RECK: variants seen among roughly 807,000 people sequenced by gnomAD.
The protein encoded by RECK is reversion-inducing cysteine-rich protein with Kazal motifs.
In RECK, 69 loss-of-function variants were observed where a neutral mutation model predicts 115.1. The ratio of observed to expected loss-of-function variants is 0.60; its 90% confidence interval spans 0.49 to 0.73. The LOEUF (loss-of-function observed/expected upper bound fraction) is 0.73. Among genes scored for constraint, RECK ranks in the 30% least tolerant of loss-of-function variants. The pLI, the probability that RECK is intolerant of heterozygous loss-of-function variation, is 0.00. For missense variants in RECK, 1,047 were observed against 1,203.7 expected, an observed-to-expected ratio of 0.87 and a Z score of 1.93; for synonymous variants, 414 against 419.7, an observed-to-expected ratio of 0.99 and a Z score of 0.17.
chr9:36,101,526 G>A (rs1823566252), intron 11 of RECK, among the ~76,000 whole-genome samples: 1 of 152,156 alleles, frequency 6.6e-6, no homozygotes, highest in African/African-American at 2.4e-5. Flanking sequence ...TAACCTGATG[G>A]GGAAATACTG....
intron 9 of RECK, 112 bp from the exon 10 acceptor site, chr9:36,091,052 T>G: frequency 1.1e-6 from 1 of 911,778 alleles, no homozygotes. Flanking sequence ...TTTTTTACTT[T>G]TTTTCTCACA....
At position 36,118,767 on chromosome 9, in the gene RECK, G is replaced by A. The variant is rs757457751; in HGVS notation, c.2264G>A (p.Arg755Lys). ...SYKGPCQPFC[R>K]ATEPVCGHNG... is the part of the protein sequence containing the mutation. ...TTTGTTTGCCCTCAGCCCTTTTGCA[G>A]AGCAACCGAGCCCGTATGTGGGCAC... is the stretch of plus-strand genomic sequence containing the variant. Residue 755 changes from arginine (R) to lysine (K), a missense_variant, in exon 18 of 21, where the codon AGA becomes AAA. Transcript: ENST00000377966. 1.9e-6 allele frequency: 3 copies of A among 1,613,688 alleles called. No homozygotes were observed. The highest frequency in any genetic ancestry group is 2.7e-5 in the African/African-American group (2 of 74,916).
chr9:36,102,234 A>G lies in RECK; in HGVS notation c.1435+4A>G, dbSNP rs578054748. 17 of 1,591,394 alleles carry G rather than the reference A, an allele frequency of 1.1e-5. No individual in the cohort carries two copies. The South Asian group carries it at 1.5e-4, about 14-fold the overall frequency. On this transcript the variant is annotated splice_donor_region_variant and intron_variant, in intron 12 of 20. Transcript: ENST00000377966. The stretch of plus-strand genomic sequence containing the variant: ...ATACCTTTGGATACATACCTCAGTA[A>G]GTACTTTTTTGTATGTGTGTTTTTA...
chr9:36,066,768 G>C, intron 6 of RECK: 1 of 1,285,810 alleles, frequency 7.8e-7, no homozygotes, highest in Non-Finnish European at 1.0e-6. Flanking sequence ...ATCTTCCATA[G>C]CCTGTCCTCC....
chr9:36,118,775 G>A lies in RECK; in HGVS notation c.2272G>A (p.Glu758Lys), dbSNP rs779187960. ...CCCTCAGCCCTTTTGCAGAGCAACCGAGCCCGTATGTGGGCACAATGGTGA... is the reference window on the plus strand; with the variant it reads ...CCCTCAGCCCTTTTGCAGAGCAACCAAGCCCGTATGTGGGCACAATGGTGA... ...GPCQPFCRAT[E>K]PVCGHNGETY... Residue 758 changes from glutamate to lysine, a missense_variant, in exon 18 of 21, where the codon GAG (glutamate) becomes AAG (lysine). Glu to Lys is a moderately conservative substitution (Grantham distance 56). Transcript: ENST00000377966. 6.2e-6 allele frequency: 10 copies of A among 1,613,784 alleles called. No individual in the cohort carries two copies. In the African/African-American group the frequency reaches 8.0e-5, roughly 13 times the overall value.
intron 10 of RECK, among the ~76,000 whole-genome samples, chr9:36,092,542 A>ATTTTTTTTTTTT (rs71508011): frequency 1.0e-4 from 12 of 117,050 alleles, no homozygotes; most frequent in African/African-American, 3.4e-4. Context: ...CACCCAGCTA[A>ATTTTTTTTTTTT]TTTTTTTTTT....
At position 36,117,042 on chromosome 9, in the gene RECK, G is replaced by C; in HGVS notation, c.2118G>C (p.Gln706His). 2.5e-6 allele frequency: 4 copies of C among 1,614,088 alleles called. No homozygotes were observed. The highest frequency in any genetic ancestry group is 3.4e-6 in the Non-Finnish European group (4 of 1,179,972). The stretch of plus-strand genomic sequence containing the variant: ...CTTTTGATAAATTTGGATGTAGCCA[G>C]TATGAGTGTGTACCAAGACAGCTCG... ...LTTFDKFGCS[Q>H]YECVPRQLAC... The change falls in exon 17 of 21, where the codon CAG (glutamine) becomes CAC (histidine). Residue 706 changes from glutamine to histidine, a missense_variant. Coordinates refer to ENST00000377966, the MANE Select transcript of RECK (RefSeq NM_021111.3).
At chr9:36,104,292 G>GTGCATATATATATATATATATA (rs34438663) in intron 12 of RECK, among the ~76,000 whole-genome samples, 3 of 43,890 alleles carry the variant, frequency 6.8e-5, no homozygotes, top group South Asian at 1.0e-3. Context: ...GTGTGTGTGT[G>GTGCATATATATATATATATATA]TATATATATA....
At chr9:36,063,991 A>G in intron 5 of RECK, 111 bp downstream of exon 5, 2 of 975,294 alleles carry the variant, frequency 2.1e-6, no homozygotes, top group South Asian at 2.9e-5. Context: ...AACCCGTAAA[A>G]ACTGCAAATT....
In RECK at chr9:36,052,298, A is replaced by C. The variant is rs573511010; in HGVS notation, c.134A>C (p.Gln45Pro). 22 of 1,610,524 alleles carry C rather than the reference A, an allele frequency of 1.4e-5. No homozygotes were observed. The African/African-American group carries it at 2.9e-4, about 21-fold the overall frequency. The change falls in exon 2 of 21, where the codon CAA (glutamine) becomes CCA (proline). Residue 45 changes from glutamine to proline, a missense_variant. Coordinates refer to ENST00000377966, the MANE Select transcript of RECK (RefSeq NM_021111.3). ...ALCCNHSKDN[Q>P]MCRDVCEQIF... The stretch of plus-strand genomic sequence containing the variant: ...TGTTGTAATCATTCAAAGGATAACC[A>C]AATGTGCCGTGATGTATGTGAACAG...
intron 1 of RECK, among the ~76,000 whole-genome samples, chr9:36,041,771 C>CTTT (rs35445082): frequency 3.8e-4 from 49 of 127,692 alleles, no homozygotes; most frequent in African/African-American, 8.6e-4. Flanking sequence ...AATCAGCTTC[C>CTTT]TTTTTTTTTT....
At chr9:36,115,146 C>A (rs1362572687) in intron 16 of RECK, among the ~76,000 whole-genome samples, 1 of 151,980 alleles carries the variant, frequency 6.6e-6, no homozygotes, top group African/African-American at 2.4e-5. Context: ...GAAATCCCAT[C>A]TCTACTAAAA....
At chr9:36,105,943 G>A (rs1823787604) in intron 13 of RECK, among the ~76,000 whole-genome samples, 1 of 152,188 alleles carries the variant, frequency 6.6e-6, no homozygotes, top group Non-Finnish European at 1.5e-5. Flanking sequence ...GCCAGGCGCA[G>A]TGGCTCACGC....
At chr9:36,063,555 G>A (rs1335894906) in intron 4 of RECK, among the ~76,000 whole-genome samples, 2 of 152,112 alleles carry the variant, frequency 1.3e-5, no homozygotes, top group East Asian at 3.8e-4. Context: ...ATTTAGGGTG[G>A]GAGGGAAAAG....
chr9:36,057,853 G>A (rs1259454987), intron 2 of RECK, among the ~76,000 whole-genome samples: 1 of 151,872 alleles, frequency 6.6e-6, no homozygotes, highest in Non-Finnish European at 1.5e-5. Context: ...AACATGAACA[G>A]ACACTTCTCA....
At chr9:36,088,976 G>T (rs951436244) in intron 9 of RECK, among the ~76,000 whole-genome samples, 2 of 152,156 alleles carry the variant, frequency 1.3e-5, no homozygotes, top group Non-Finnish European at 2.9e-5. Flanking sequence ...AGCCGAGATT[G>T]CGCCACTGCA....
At chr9:36,079,772 GTGAT>G (rs1822608585) in intron 6 of RECK, among the ~76,000 whole-genome samples, 1 of 152,104 alleles carries the variant, frequency 6.6e-6, no homozygotes, top group African/African-American at 2.4e-5. Flanking sequence ...TCCTCCCATT[GTGAT>G]TGATTATTAT....
At chr9:36,120,241 A>C (rs951911733) in intron 18 of RECK, among the ~76,000 whole-genome samples, 1 of 152,154 alleles carries the variant, frequency 6.6e-6, no homozygotes, top group African/African-American at 2.4e-5. Context: ...TCTCAAAAAA[A>C]AAAAAAATTA....
chr9:36,038,285 C>T (rs1323663261), intron 1 of RECK, among the ~76,000 whole-genome samples: 2 of 151,920 alleles, frequency 1.3e-5, no homozygotes. Context: ...GGAAGTGAGA[C>T]CCTGTCTCAA....
Sources: allele counts gnomAD v4.1 joint callset (sites outside exome capture counted in the v4.1 genomes callset), GRCh38; gene constraint gnomAD v4.1.1; transcripts MANE v1.5; gene names NCBI Gene and HGNC (gene_info 2026-07-23, HGNC 2026-07-21).